Variants in PDE8A observed in about 807,000 individuals in gnomAD.
PDE8A encodes phosphodiesterase 8A.
Under a neutral mutation model 105.0 loss-of-function variants are expected in PDE8A, and 59 were observed. The ratio of observed to expected loss-of-function variants is 0.56; its 90% CI spans 0.46 to 0.70. PDE8A has a LOEUF of 0.70. Ranked by LOEUF, PDE8A falls within the 30% of genes least tolerant of loss-of-function variation. PDE8A has a pLI of 0.00. For synonymous variants in PDE8A, 355 were observed against 371.9 expected (o/e 0.95, Z 0.52); for missense variants, 1,014 against 1,045.9 (o/e 0.97, Z 0.42).
At chr15:85,098,186 T>C (rs2081792673) in intron 9 of PDE8A, 150 bp downstream of exon 9, 4 of 646,946 alleles carry the variant, frequency 6.2e-6, no homozygotes, top group Non-Finnish European at 1.1e-5. Flanking sequence ...GTTTTCTTGG[T>C]GACTTCCTCA....
At chr15:85,074,159 GCC>G (rs2081350398) in intron 3 of PDE8A, among the ~76,000 whole-genome samples, 1 of 152,174 alleles carries the variant, frequency 6.6e-6, no homozygotes, top group African/African-American at 2.4e-5. Context: ...CCTACCCCTG[GCC>G]TATTCTGCAT....
chr15:85,048,643 AT>A (rs2080923532), intron 1 of PDE8A, among the ~76,000 whole-genome samples: 1 of 152,238 alleles, frequency 6.6e-6, no homozygotes, highest in East Asian at 1.9e-4. Context: ...AGTCTCATTC[AT>A]TTGCTCATTG....
chr15:85,030,418 C>T (rs1298511566), intron 1 of PDE8A, among the ~76,000 whole-genome samples: 2 of 152,096 alleles, frequency 1.3e-5, no homozygotes, highest in African/African-American at 4.8e-5. Context: ...ATTAGTCACT[C>T]ACTTCCAGTG....
chr15:85,056,827 C>T (rs1207634642), intron 1 of PDE8A, among the ~76,000 whole-genome samples: 1 of 152,230 alleles, frequency 6.6e-6, no homozygotes, highest in Non-Finnish European at 1.5e-5. Context: ...TCGTCAAAGT[C>T]ATTCTCCGTC....
intron 1 of PDE8A, among the ~76,000 whole-genome samples, chr15:85,051,466 A>T (rs28821898): frequency 0.088 from 13,416 of 151,894 alleles, 1,645 homozygotes; most frequent in African/African-American, 0.28. Flanking sequence ...GTTTAAAAAA[A>T]TTTTTTTTCT....
At chr15:85,058,176 G>T (rs1596478250) in intron 1 of PDE8A, among the ~76,000 whole-genome samples, 1 of 152,242 alleles carries the variant, frequency 6.6e-6, no homozygotes, top group East Asian at 1.9e-4. Flanking sequence ...GACTTCCTGG[G>T]CTCAAATGAT....
At chr15:85,022,773 G>A (rs1182331704) in intron 1 of PDE8A, among the ~76,000 whole-genome samples, 2 of 151,724 alleles carry the variant, frequency 1.3e-5, no homozygotes, top group Non-Finnish European at 2.9e-5. Context: ...GGCTAGTTTC[G>A]AACTCCTGAC....
chr15:85,111,445 C>A (rs2082019464), intron 12 of PDE8A, among the ~76,000 whole-genome samples: 1 of 152,180 alleles, frequency 6.6e-6, no homozygotes, highest in East Asian at 1.9e-4. Flanking sequence ...GGAAATCCAA[C>A]TCGTCTATCA....
intron 1 of PDE8A, among the ~76,000 whole-genome samples, chr15:85,004,026 A>G (rs757142363): frequency 2.0e-5 from 3 of 152,220 alleles, no homozygotes; most frequent in Admixed American, 6.5e-5. Context: ...GGTCCATGTC[A>G]GATTACTTAC....
chr15:85,012,231 A>G (rs1389500569), intron 1 of PDE8A, among the ~76,000 whole-genome samples: 1 of 152,216 alleles, frequency 6.6e-6, no homozygotes, highest in East Asian at 1.9e-4. Flanking sequence ...TCATGCTGCT[A>G]TAAAGACACA....
chr15:85,014,433 CTA>C (rs936399946), intron 1 of PDE8A, among the ~76,000 whole-genome samples: 30 of 152,258 alleles, frequency 2.0e-4, no homozygotes, highest in African/African-American at 7.2e-4. Flanking sequence ...CTCTCATTAA[CTA>C]TGTGATAAAG....
At chr15:85,033,833 C>T (rs548317772) in intron 1 of PDE8A, among the ~76,000 whole-genome samples, 1 of 152,234 alleles carries the variant, frequency 6.6e-6, no homozygotes, top group South Asian at 2.1e-4. Flanking sequence ...CCGCTGCACT[C>T]CAGCCTGGGC....
chr15:85,107,229 C>T (rs888515666), intron 11 of PDE8A, among the ~76,000 whole-genome samples: 4 of 152,110 alleles, frequency 2.6e-5, no homozygotes, highest in African/African-American at 9.7e-5. Flanking sequence ...TGTACCAAAT[C>T]ATAGAGGTTT....
chr15:85,106,306 C>T (rs1050129373), intron 11 of PDE8A, among the ~76,000 whole-genome samples: 3 of 152,096 alleles, frequency 2.0e-5, no homozygotes, highest in Non-Finnish European at 4.4e-5. Context: ...GCCACTTCCC[C>T]CTCCAGGCTC....
intron 1 of PDE8A, among the ~76,000 whole-genome samples, chr15:84,984,054 G>A (rs2079764067): frequency 6.6e-6 from 1 of 152,186 alleles, no homozygotes; most frequent in Non-Finnish European, 1.5e-5. Flanking sequence ...CACATAGTAG[G>A]TACTAAATAA....
At chr15:85,044,914 C>T (rs1291468990) in intron 1 of PDE8A, among the ~76,000 whole-genome samples, 1 of 152,204 alleles carries the variant, frequency 6.6e-6, no homozygotes, top group Non-Finnish European at 1.5e-5. Context: ...CCTTAGAAAA[C>T]TCTGCATCGT....
chr15:85,075,786 G>C, intron 3 of PDE8A, 76 bp from the exon 4 acceptor site: 1 of 794,662 alleles, frequency 1.3e-6, no homozygotes, highest in Admixed American at 2.3e-5. Flanking sequence ...AACTTTAATT[G>C]TTGTAATTGT....
rs745927563 is a variant in PDE8A at position 85,117,795 on chromosome 15, G to A, written c.1690G>A (p.Val564Met). 6 of 1,614,114 alleles carry A rather than the reference G, an allele frequency of 3.7e-6. No homozygotes were observed. In the South Asian group the frequency reaches 4.4e-5, roughly 12 times the overall value. Reference sequence around the variant, plus strand: ...CCACAATTCTACACATTCTGCTGATGTGCTTCATGCCACTGCCTATTTTCT... The same window carrying A: ...CCACAATTCTACACATTCTGCTGATATGCTTCATGCCACTGCCTATTTTCT... The part of the protein sequence containing the change: ...PYHNSTHSAD[V>M]LHATAYFLSK... The change falls in exon 17 of 22, where the codon GTG (valine) becomes ATG (methionine). Residue 564 changes from valine to methionine, a missense_variant. Coordinates refer to ENST00000394553, the MANE Select transcript of PDE8A (RefSeq NM_002605.3).
At chr15:85,104,802 G>C (rs2081922882) in intron 11 of PDE8A, among the ~76,000 whole-genome samples, 2 of 152,182 alleles carry the variant, frequency 1.3e-5, no homozygotes, top group South Asian at 4.1e-4. Flanking sequence ...ATTCTGAAGA[G>C]AGAAAGTGAG....
Sources: allele counts gnomAD v4.1 joint callset (sites outside exome capture counted in the v4.1 genomes callset), GRCh38; gene constraint gnomAD v4.1.1; transcripts MANE v1.5; gene names NCBI Gene and HGNC (gene_info 2026-07-23, HGNC 2026-07-21).